The following PCCA variants were observed in gnomAD, a reference collection of about 807,000 sequenced individuals.
PCCA encodes the protein propionyl-CoA carboxylase alpha chain, mitochondrial.
Under a neutral mutation model 101.3 loss-of-function variants are expected in PCCA, and 74 were observed. That is an observed-to-expected ratio of 0.73 (90% CI 0.61 to 0.89). The LOEUF (loss-of-function observed/expected upper bound fraction) is 0.89. Among genes scored for constraint, PCCA ranks in the 40% least tolerant of loss-of-function variants. The pLI is 0.00. For missense variants in PCCA, 891 were observed against 907.0 expected, an observed-to-expected ratio of 0.98 and a Z score of 0.23; for synonymous variants, 294 against 313.6, an observed-to-expected ratio of 0.94 and a Z score of 0.66.
chr13:100,136,987 T>A (rs1051230023), intron 4 of PCCA, among the ~76,000 whole-genome samples: 1 of 151,992 alleles, frequency 6.6e-6, no homozygotes, highest in African/African-American at 2.4e-5. Flanking sequence ...GATTATTGAT[T>A]TGAGATATAT....
intron 4 of PCCA, among the ~76,000 whole-genome samples, chr13:100,131,185 G>T (rs967043959): frequency 1.3e-5 from 2 of 152,130 alleles, no homozygotes; most frequent in Non-Finnish European, 2.9e-5. Flanking sequence ...TCTCTGTGAG[G>T]TCTGTGCAAA....
intron 20 of PCCA, among the ~76,000 whole-genome samples, chr13:100,448,013 A>G (rs572073009): frequency 7.9e-4 from 121 of 152,318 alleles, no homozygotes; most frequent in African/African-American, 2.8e-3. Context: ...CATGGCATGT[A>G]GTTGAGTGAA....
At chr13:100,253,103 C>T (rs539004348) in intron 8 of PCCA, among the ~76,000 whole-genome samples, 1 of 152,264 alleles carries the variant, frequency 6.6e-6, no homozygotes, top group East Asian at 1.9e-4. Flanking sequence ...CATTTATTCC[C>T]TCCGTGTTAT....
At chr13:100,235,136 A>G (rs2060714436) in intron 7 of PCCA, among the ~76,000 whole-genome samples, 1 of 152,028 alleles carries the variant, frequency 6.6e-6, no homozygotes, top group Admixed American at 6.6e-5. Flanking sequence ...AAATGGATAA[A>G]CTTTTACCCC....
chr13:100,348,350 A>C (rs369684637), intron 18 of PCCA, among the ~76,000 whole-genome samples: 1 of 152,250 alleles, frequency 6.6e-6, no homozygotes, highest in Non-Finnish European at 1.5e-5. Flanking sequence ...TTAGAAAAAA[A>C]GAAAAGTTAA....
At chr13:100,359,383 G>A (rs939640657) in intron 18 of PCCA, among the ~76,000 whole-genome samples, 11 of 152,170 alleles carry the variant, frequency 7.2e-5, no homozygotes, top group Admixed American at 5.2e-4. Context: ...AATCAGAAAG[G>A]AAGAAGTAAA....
chr13:100,320,850 C>G (rs2067952415), intron 16 of PCCA, among the ~76,000 whole-genome samples: 1 of 152,166 alleles, frequency 6.6e-6, no homozygotes, highest in African/African-American at 2.4e-5. Context: ...TTCCTGGATT[C>G]AAGTGATCTC....
intron 7 of PCCA, among the ~76,000 whole-genome samples, chr13:100,211,147 G>A (rs1434234324): frequency 6.6e-6 from 1 of 152,220 alleles, no homozygotes; most frequent in African/African-American, 2.4e-5. Flanking sequence ...TGGGAAGGAT[G>A]TGGTGATGAG....
intron 19 of PCCA, among the ~76,000 whole-genome samples, chr13:100,405,527 A>G (rs917077107): frequency 2.0e-5 from 3 of 152,254 alleles, no homozygotes; most frequent in African/African-American, 7.2e-5. Flanking sequence ...TTTGCAAAGT[A>G]GACTTTAGTC....
Position 100,132,840 on chromosome 13 carries a change from C to G in PCCA, c.300+20779C>G, listed in dbSNP as rs7324595. Among the ~76,000 whole-genome samples, 1,070 of 152,210 alleles carry G rather than the reference C, an allele frequency of 7.0e-3. 14 individuals carry two copies. The highest frequency in any genetic ancestry group is 0.025 in the African/African-American group (1,020 of 41,514). On this transcript the variant is annotated intron_variant, in intron 4 of 23. Transcript: ENST00000376285. Reference sequence around the variant, plus strand: ...CGGGGCTAGAGTGTAGTGGCACCATCTTGGCTCACTGCAACCTCCACCTCC... The same window carrying G: ...CGGGGCTAGAGTGTAGTGGCACCATGTTGGCTCACTGCAACCTCCACCTCC...
At position 100,241,728 on chromosome 13, in the gene PCCA, G is replaced by A. The variant is rs1576749; in HGVS notation, c.637+5850G>A. Among the ~76,000 whole-genome samples, 615 of 152,262 alleles carry A rather than the reference G, an allele frequency of 4.0e-3. 11 individuals carry two copies. Among genetic ancestry groups the A allele is most frequent in the African/African-American group, 0.014 (590 of 41,542 alleles). On this transcript the variant is annotated intron_variant, in intron 8 of 23. Coordinates refer to ENST00000376285, the MANE Select transcript of PCCA (RefSeq NM_000282.4). ...GATCCACCCACATTGGCCTCCCAGA[G>A]TGCTGGGATTATAGACATGAGCCAC...
intron 21 of PCCA, among the ~76,000 whole-genome samples, chr13:100,485,509 A>C (rs1018331869): frequency 2.6e-5 from 4 of 152,240 alleles, no homozygotes; most frequent in African/African-American, 9.6e-5. Flanking sequence ...CAATTGTAAG[A>C]GGAGTTTCTC....
intron 18 of PCCA, among the ~76,000 whole-genome samples, chr13:100,355,100 A>G (rs1170283406): frequency 3.3e-5 from 5 of 152,194 alleles, no homozygotes; most frequent in Non-Finnish European, 7.4e-5. Flanking sequence ...ATATACAGTG[A>G]TATACATCAT....
intron 16 of PCCA, among the ~76,000 whole-genome samples, chr13:100,322,212 G>A (rs958749645): frequency 2.6e-5 from 4 of 152,160 alleles, no homozygotes; most frequent in African/African-American, 4.8e-5. Context: ...TTTCTGCCAT[G>A]TCAGGAAACC....
rs558444605 is a variant in PCCA, at chr13:100,349,106, C to A, written c.1643+8847C>A. On this transcript the variant is annotated intron_variant, in intron 18 of 23. Coordinates refer to ENST00000376285, the MANE Select transcript of PCCA (RefSeq NM_000282.4). ...TACAGGCATGCACCGCCAGGCCCGG[C>A]TAATTTTTGTATTTTTTGTTTGTTT... Among the ~76,000 whole-genome samples the A allele has an allele frequency of 1.5e-4, 23 of 151,704 alleles. No homozygotes were observed. In the East Asian group the frequency reaches 3.9e-3, roughly 26 times the overall value.
At chr13:100,514,773 CAGA>C (rs1335967138) in intron 21 of PCCA, among the ~76,000 whole-genome samples, 6 of 152,312 alleles carry the variant, frequency 3.9e-5, no homozygotes, top group African/African-American at 1.4e-4. Flanking sequence ...TCTCTCAGTG[CAGA>C]AGGCTTTCTC....
chr13:100,284,139 C>G (rs555373072), intron 12 of PCCA, among the ~76,000 whole-genome samples: 2 of 152,356 alleles, frequency 1.3e-5, no homozygotes, highest in South Asian at 4.1e-4. Context: ...GGTCCCTTAC[C>G]ATCCGAGGAA....
intron 1 of PCCA, among the ~76,000 whole-genome samples, chr13:100,091,123 G>C (rs2046242770): frequency 7.8e-6 from 1 of 127,452 alleles, no homozygotes; most frequent in African/African-American, 3.2e-5. Context: ...GGGGAAGCTG[G>C]CAGGAGTCAG....
At chr13:100,223,520 G>T (rs914797567) in intron 7 of PCCA, among the ~76,000 whole-genome samples, 1 of 152,122 alleles carries the variant, frequency 6.6e-6, no homozygotes, top group African/African-American at 2.4e-5. Context: ...CCAGACCTTC[G>T]CGGTGAGCGT....
Sources: gnomAD v4.1 joint callset for allele counts (sites outside exome capture counted in the v4.1 genomes callset) on GRCh38, gnomAD v4.1.1 for gene constraint, MANE v1.5 for transcripts, NCBI Gene and HGNC (gene_info 2026-07-23, HGNC 2026-07-21) for gene names.